Variants in DLGAP1 observed in about 807,000 individuals in gnomAD.
DLGAP1 encodes DLG associated protein 1.
DLGAP1 carries 11 observed loss-of-function variants against 90.8 expected under a neutral mutation model. The observed-to-expected ratio is 0.12, with a 90% CI of 0.08 to 0.20. The LOEUF is 0.20. Among genes scored for constraint, DLGAP1 ranks in the 10% least tolerant of loss-of-function variants. The pLI is 1.00. For missense variants in DLGAP1, 1,050 were observed against 1,333.8 expected, an observed-to-expected ratio of 0.79 and a Z score of 3.31; for synonymous variants, 558 against 540.7, an observed-to-expected ratio of 1.03 and a Z score of -0.44.
intron 2 of DLGAP1, among the ~76,000 whole-genome samples, chr18:4,049,536 G>A (rs1046049009): frequency 6.6e-6 from 1 of 152,118 alleles, no homozygotes; most frequent in Non-Finnish European, 1.5e-5. Context: ...TTCCCTCTGG[G>A]CTCTAATTTA....
chr18:4,257,970 CATAT>C (rs143745473), intron 1 of DLGAP1, among the ~76,000 whole-genome samples: 1,457 of 95,022 alleles, frequency 0.015, 25 homozygotes, highest in African/African-American at 0.049. Flanking sequence ...AAGAGTTATA[CATAT>C]GTGTGTGTGT....
intron 1 of DLGAP1, among the ~76,000 whole-genome samples, chr18:4,309,902 CT>C (rs1312307464): frequency 6.6e-6 from 1 of 152,202 alleles, no homozygotes; most frequent in Non-Finnish European, 1.5e-5. Context: ...CTTACACCAT[CT>C]CTTCTCCACC....
At chr18:4,321,597 C>T (rs1212861484) in intron 1 of DLGAP1, among the ~76,000 whole-genome samples, 1 of 152,148 alleles carries the variant, frequency 6.6e-6, no homozygotes, top group African/African-American at 2.4e-5. Flanking sequence ...AGTATCCATG[C>T]AGATACTGAA....
At chr18:3,814,951 T>G (rs1002041900) in intron 4 of DLGAP1, among the ~76,000 whole-genome samples, 2 of 152,238 alleles carry the variant, frequency 1.3e-5, no homozygotes, top group African/African-American at 4.8e-5. Flanking sequence ...ATAAATATTT[T>G]GAATATGTAC....
At chr18:3,888,371 T>C (rs2071376546) in intron 3 of DLGAP1, among the ~76,000 whole-genome samples, 1 of 152,160 alleles carries the variant, frequency 6.6e-6, no homozygotes, top group African/African-American at 2.4e-5. Context: ...ACCAATTATA[T>C]TACTCAAAGT....
At chr18:3,986,316 T>G (rs957492025) in intron 3 of DLGAP1, 2 of 152,228 alleles carry the variant, frequency 1.3e-5, no homozygotes, top group African/African-American at 2.4e-5. Flanking sequence ...CTTCTACAAT[T>G]AGTGGCATTC....
chr18:4,051,834 C>G (rs2075138005), intron 2 of DLGAP1, among the ~76,000 whole-genome samples: 1 of 152,180 alleles, frequency 6.6e-6, no homozygotes, highest in African/African-American at 2.4e-5. Context: ...AAGTGGGGTA[C>G]AGACATTGGG....
chr18:3,846,620 G>A (rs1390026457), intron 4 of DLGAP1, among the ~76,000 whole-genome samples: 1 of 152,118 alleles, frequency 6.6e-6, no homozygotes, highest in Non-Finnish European at 1.5e-5. Context: ...GGAATGAAAA[G>A]AAATGAAATA....
intron 7 of DLGAP1, among the ~76,000 whole-genome samples, chr18:3,602,698 C>G (rs2057131046): frequency 6.6e-6 from 1 of 151,888 alleles, no homozygotes; most frequent in Non-Finnish European, 1.5e-5. Flanking sequence ...TTTATTATCT[C>G]CAGCACAGCA....
rs969897891 is a variant in DLGAP1 at position 4,383,820 on chromosome 18, T to A, written c.-267+71186A>T. Among the ~76,000 whole-genome samples the A allele has an allele frequency of 6.6e-6, 1 of 152,098 alleles. No individual in the cohort carries two copies. The highest frequency in any genetic ancestry group is 1.5e-5 in the Non-Finnish European group (1 of 67,996). ...CATTTGAACCTACTCTACTGGCACA[T>A]CTAATCCACAAGTTTGAGGATGAGA... On this transcript the variant is annotated intron_variant, in intron 1 of 12. Transcript: ENST00000315677. The surrounding 1 kb of genome is among the most constrained non-coding windows in gnomAD (Gnocchi z 4.0).
At chr18:3,741,109 T>TCAC (rs1338999345) in intron 6 of DLGAP1, among the ~76,000 whole-genome samples, 8 of 53,852 alleles carry the variant, frequency 1.5e-4, no homozygotes, top group Non-Finnish European at 2.3e-4. Flanking sequence ...ACCATCACCA[T>TCAC]CACCACCACC....
intron 1 of DLGAP1, among the ~76,000 whole-genome samples, chr18:4,358,691 A>G (rs1205200418): frequency 6.6e-6 from 1 of 152,238 alleles, no homozygotes; most frequent in African/African-American, 2.4e-5. Flanking sequence ...AGAACTGGGC[A>G]TGAAAGGCTC....
At chr18:4,125,952 T>C (rs2076226680) in intron 2 of DLGAP1, among the ~76,000 whole-genome samples, 1 of 152,074 alleles carries the variant, frequency 6.6e-6, no homozygotes, top group Non-Finnish European at 1.5e-5. Flanking sequence ...AACAAAAAAC[T>C]AAGGGCACAA....
intron 2 of DLGAP1, among the ~76,000 whole-genome samples, chr18:4,059,898 A>G (rs899339096): frequency 2.0e-5 from 3 of 152,154 alleles, no homozygotes; most frequent in African/African-American, 7.2e-5. Flanking sequence ...AGGCTCAACT[A>G]CTGGCTGCTT....
intron 2 of DLGAP1, among the ~76,000 whole-genome samples, chr18:4,023,970 T>C (rs1053256196): frequency 6.6e-6 from 1 of 152,190 alleles, no homozygotes; most frequent in Non-Finnish European, 1.5e-5. Context: ...TTTTGTAAAG[T>C]TTATGTATTT....
intron 1 of DLGAP1, among the ~76,000 whole-genome samples, chr18:4,225,662 G>A (rs28787426): frequency 5.7e-3 from 578 of 101,500 alleles, no homozygotes; most frequent in African/African-American, 0.02. Flanking sequence ...ATGACATACT[G>A]AAGAATGTAT....
At chr18:4,307,534 G>A (rs986457488) in intron 1 of DLGAP1, among the ~76,000 whole-genome samples, 1 of 152,030 alleles carries the variant, frequency 6.6e-6, no homozygotes, top group Non-Finnish European at 1.5e-5. Context: ...TCATGTATAT[G>A]CAACAATACT....
At chr18:3,786,294 T>C (rs2065446031) in intron 5 of DLGAP1, among the ~76,000 whole-genome samples, 1 of 151,834 alleles carries the variant, frequency 6.6e-6, no homozygotes, top group African/African-American at 2.4e-5. Context: ...TTCAAATGCA[T>C]TATTTTGCAC....
chr18:4,164,762 A>G (rs2076905363), intron 1 of DLGAP1, among the ~76,000 whole-genome samples: 1 of 152,210 alleles, frequency 6.6e-6, no homozygotes, highest in Non-Finnish European at 1.5e-5. Flanking sequence ...AAATGAAAAA[A>G]TAGAGAATTT....
Sources: allele counts gnomAD v4.1 joint callset (sites outside exome capture counted in the v4.1 genomes callset), GRCh38; gene constraint gnomAD v4.1.1; non-coding constraint Gnocchi (gnomAD v3.1); transcripts MANE v1.5; gene names NCBI Gene and HGNC (gene_info 2026-07-23, HGNC 2026-07-21).